The following LSAMP variants were observed in gnomAD, a reference collection of about 807,000 sequenced individuals.
LSAMP encodes limbic system-associated membrane protein.
Under a neutral mutation model 38.6 loss-of-function variants are expected in LSAMP, and 7 were observed. The observed-to-expected ratio is 0.18, with a 90% CI of 0.10 to 0.34. The LOEUF is 0.34. Ranked by LOEUF, LSAMP falls within the 10% of genes least tolerant of loss-of-function variation. LSAMP has a pLI of 1.00. For synonymous variants in LSAMP, 154 were observed against 166.8 expected (o/e 0.92, Z 0.59); for missense variants, 313 against 420.0 (o/e 0.75, Z 2.23).
intron 1 of LSAMP, among the ~76,000 whole-genome samples, chr3:116,153,237 C>G (rs1182591060): frequency 6.6e-6 from 1 of 152,002 alleles, no homozygotes; most frequent in Non-Finnish European, 1.5e-5. Flanking sequence ...AAAGTTGGAG[C>G]CCCCCTATTA....
At chr3:116,292,730 G>A (rs1367624332) in intron 1 of LSAMP, among the ~76,000 whole-genome samples, 1 of 152,128 alleles carries the variant, frequency 6.6e-6, no homozygotes, top group Non-Finnish European at 1.5e-5. Flanking sequence ...AAATGATTTT[G>A]GTTCCCAGCC....
At chr3:115,953,740 G>C (rs1307897043) in intron 3 of LSAMP, among the ~76,000 whole-genome samples, 1 of 152,206 alleles carries the variant, frequency 6.6e-6, no homozygotes, top group Non-Finnish European at 1.5e-5. Flanking sequence ...TCTGGCTTCT[G>C]CCTACTTCTC....
At chr3:116,038,844 G>T (rs1404577984) in intron 2 of LSAMP, among the ~76,000 whole-genome samples, 12 of 152,170 alleles carry the variant, frequency 7.9e-5, no homozygotes, top group Non-Finnish European at 1.8e-4. Context: ...CTTATATTGG[G>T]TAAGAGTTAT....
intron 1 of LSAMP, among the ~76,000 whole-genome samples, chr3:116,210,012 G>T (rs567234137): frequency 4.6e-5 from 7 of 151,982 alleles, no homozygotes; most frequent in Non-Finnish European, 8.8e-5. Context: ...CCTCGGCCTC[G>T]CAAAGTCCTG....
intron 3 of LSAMP, among the ~76,000 whole-genome samples, chr3:115,909,750 A>T (rs999204077): frequency 6.6e-6 from 1 of 152,192 alleles, no homozygotes; most frequent in Non-Finnish European, 1.5e-5. Context: ...TAAAGAGATA[A>T]TATAATCTGT....
chr3:115,920,605 C>G (rs1937359526), intron 3 of LSAMP, among the ~76,000 whole-genome samples: 1 of 152,068 alleles, frequency 6.6e-6, no homozygotes, highest in Non-Finnish European at 1.5e-5. Context: ...TTGTTTGTGA[C>G]ATATTATGGG....
chr3:115,839,314 CT>C (rs1934919428), intron 6 of LSAMP, among the ~76,000 whole-genome samples: 1 of 123,276 alleles, frequency 8.1e-6, no homozygotes. Context: ...TCCTTCCTTC[CT>C]TCCTTTTTTC....
chr3:116,042,669 C>G (rs1941201363), intron 2 of LSAMP, among the ~76,000 whole-genome samples: 1 of 152,084 alleles, frequency 6.6e-6, no homozygotes, highest in Admixed American at 6.5e-5. Context: ...ATCTCGTGAT[C>G]CACCCGCCTT....
At chr3:116,353,703 T>C (rs2048181062) in intron 1 of LSAMP, among the ~76,000 whole-genome samples, 1 of 152,114 alleles carries the variant, frequency 6.6e-6, no homozygotes, top group South Asian at 2.1e-4. Flanking sequence ...AGGGATATTA[T>C]ATAATAAAAT....
At chr3:116,015,813 T>C (rs1442276132) in intron 3 of LSAMP, among the ~76,000 whole-genome samples, 1 of 152,162 alleles carries the variant, frequency 6.6e-6, no homozygotes, top group African/African-American at 2.4e-5. Context: ...CCTAAAAATA[T>C]ACCATGCATA....
intron 1 of LSAMP, among the ~76,000 whole-genome samples, chr3:116,142,179 G>C (rs1709385258): frequency 6.6e-6 from 1 of 152,020 alleles, no homozygotes; most frequent in Non-Finnish European, 1.5e-5. Flanking sequence ...ACACCCGCCT[G>C]CTGTAGGAGT....
intron 2 of LSAMP, among the ~76,000 whole-genome samples, chr3:116,075,222 C>T (rs1329263912): frequency 2.0e-5 from 3 of 150,770 alleles, no homozygotes; most frequent in Non-Finnish European, 2.9e-5. Flanking sequence ...CTGCAACCTC[C>T]ACCTCTAGGG....
intron 1 of LSAMP, among the ~76,000 whole-genome samples, chr3:116,408,410 A>C (rs769929106): frequency 2.0e-5 from 3 of 152,144 alleles, no homozygotes; most frequent in Admixed American, 2.0e-4. Context: ...TCTGAAAATA[A>C]AATCTGAATG....
chr3:116,373,709 CT>C (rs1442766588), intron 1 of LSAMP, among the ~76,000 whole-genome samples: 40 of 151,832 alleles, frequency 2.6e-4, no homozygotes, highest in African/African-American at 9.4e-4. Context: ...TTGAAGAAGA[CT>C]CTGAATGTCT....
intron 3 of LSAMP, among the ~76,000 whole-genome samples, chr3:115,886,490 C>T (rs546099552): frequency 2.0e-5 from 3 of 152,084 alleles, no homozygotes; most frequent in Non-Finnish European, 4.4e-5. Flanking sequence ...AAAGAATCTA[C>T]ATCCAAGCAA....
intron 3 of LSAMP, among the ~76,000 whole-genome samples, chr3:115,998,823 C>T (rs1939903181): frequency 6.6e-6 from 1 of 152,088 alleles, no homozygotes; most frequent in African/African-American, 2.4e-5. Flanking sequence ...CGCCCGTGTT[C>T]CGACAGCCTG....
intron 1 of LSAMP, among the ~76,000 whole-genome samples, chr3:116,442,698 T>C (rs1252853715): frequency 6.6e-6 from 1 of 152,126 alleles, no homozygotes; most frequent in East Asian, 1.9e-4. Flanking sequence ...GGAAAAGAAA[T>C]GGTGTTTCAT....
chr3:115,885,036 G>A (rs1019732055), intron 3 of LSAMP, among the ~76,000 whole-genome samples: 14 of 151,968 alleles, frequency 9.2e-5, no homozygotes, highest in African/African-American at 2.2e-4. Context: ...ATTGAACTTG[G>A]TATCTTTATA....
At chr3:116,043,327 A>C (rs1221260900) in intron 2 of LSAMP, among the ~76,000 whole-genome samples, 1 of 152,226 alleles carries the variant, frequency 6.6e-6, no homozygotes, top group Non-Finnish European at 1.5e-5. Flanking sequence ...TTCCATGTAG[A>C]ATGTGAAACA....
Sources: allele counts gnomAD v4.1 joint callset (sites outside exome capture counted in the v4.1 genomes callset), GRCh38; gene constraint gnomAD v4.1.1; transcripts MANE v1.5; gene names NCBI Gene and HGNC (gene_info 2026-07-23, HGNC 2026-07-21).